LOC400499: variants seen among roughly 807,000 people sequenced by gnomAD.
chr16:11,502,130 C>T, the LOC400499 span: 1 of 399,014 alleles, frequency 2.5e-6, no homozygotes, highest in African/African-American at 2.1e-5. Flanking sequence ...TCAGCTCACC[C>T]CCAGAAAGGC....
the LOC400499 span, among the ~76,000 whole-genome samples, chr16:11,387,875 C>T: frequency 6.6e-6 from 1 of 152,096 alleles, no homozygotes; most frequent in Non-Finnish European, 1.5e-5. Flanking sequence ...CTGCCCACCT[C>T]GGCCTCCCAA....
At chr16:11,382,235 G>C in the LOC400499 span, among the ~76,000 whole-genome samples, 41 of 152,174 alleles carry the variant, frequency 2.7e-4, no homozygotes, top group African/African-American at 9.9e-4. Flanking sequence ...ACCACACCCG[G>C]CATTTCTTTT....
chr16:11,487,026 T>C, the LOC400499 span, among the ~76,000 whole-genome samples: 1 of 151,646 alleles, frequency 6.6e-6, no homozygotes, highest in African/African-American at 2.4e-5. Flanking sequence ...GATGGACAGA[T>C]GAGCAGGTCA....
chr16:11,446,925 G>A, the LOC400499 span: 4 of 1,528,218 alleles, frequency 2.6e-6, no homozygotes, highest in African/African-American at 4.1e-5. Flanking sequence ...TGTGCAGAGG[G>A]AAAAACAGGC....
the LOC400499 span, chr16:11,412,873 G>A: frequency 7.5e-6 from 3 of 398,984 alleles, no homozygotes; most frequent in South Asian, 2.5e-4. Flanking sequence ...GGACGTCAAG[G>A]ACCAAGGTGG....
the LOC400499 span, among the ~76,000 whole-genome samples, chr16:11,482,272 G>A: frequency 3.3e-5 from 5 of 152,306 alleles, no homozygotes; most frequent in African/African-American, 1.2e-4. Context: ...TGGAGGCTGA[G>A]CCAGGGGACT....
chr16:11,464,081 T>C, the LOC400499 span, among the ~76,000 whole-genome samples: 1 of 152,234 alleles, frequency 6.6e-6, no homozygotes, highest in African/African-American at 2.4e-5. Flanking sequence ...TATGTGTGTA[T>C]ATACGAATGT....
the LOC400499 span, among the ~76,000 whole-genome samples, chr16:11,415,795 A>G: frequency 2.0e-5 from 3 of 152,192 alleles, no homozygotes; most frequent in Admixed American, 2.0e-4. Context: ...AGCGGCGTGG[A>G]GGTGGTCATC....
At chr16:11,421,483 C>T in the LOC400499 span, among the ~76,000 whole-genome samples, 194 of 152,148 alleles carry the variant, frequency 1.3e-3, no homozygotes, top group African/African-American at 4.4e-3. Flanking sequence ...CTCACTGCAA[C>T]CTCCGCCTCC....
the LOC400499 span, among the ~76,000 whole-genome samples, chr16:11,502,734 C>A: frequency 6.6e-6 from 1 of 151,676 alleles, no homozygotes; most frequent in East Asian, 1.9e-4. Flanking sequence ...CCCGCCTCAG[C>A]CTCCTGAGTA....
At chr16:11,385,096 C>G in the LOC400499 span, 3 of 1,232,212 alleles carry the variant, frequency 2.4e-6, no homozygotes, top group East Asian at 3.2e-5. Flanking sequence ...GGCAGGAGGT[C>G]TGACCCACAG....
chr16:11,383,593 A>C, the LOC400499 span: 1 of 1,231,952 alleles, frequency 8.1e-7, no homozygotes, highest in East Asian at 3.2e-5. Flanking sequence ...TCTGGCCTGG[A>C]AGGCAGATGC....
chr16:11,474,354 T>C, the LOC400499 span, among the ~76,000 whole-genome samples: 1 of 152,242 alleles, frequency 6.6e-6, no homozygotes, highest in Non-Finnish European at 1.5e-5. Flanking sequence ...TTTTGACTCT[T>C]TTTAGCCACT....
At chr16:11,425,507 G>T in the LOC400499 span, 4 of 398,622 alleles carry the variant, frequency 1.0e-5, no homozygotes, top group East Asian at 3.6e-5. Context: ...GGAGGGAAAA[G>T]AATTTGGGGG....
chr16:11,450,364 A>G, the LOC400499 span, among the ~76,000 whole-genome samples: 1,642 of 152,246 alleles, frequency 0.011, 34 homozygotes, highest in African/African-American at 0.038. Context: ...TTCCTATTTT[A>G]TATTTCTCTC....
the LOC400499 span, chr16:11,469,630 A>T: frequency 5.0e-6 from 2 of 399,080 alleles, no homozygotes; most frequent in African/African-American, 4.1e-5. Context: ...GCCCATGAAG[A>T]CGTGGGCTGT....
the LOC400499 span, chr16:11,399,796 C>G: frequency 2.5e-6 from 1 of 398,878 alleles, no homozygotes; most frequent in Non-Finnish European, 4.4e-6. Context: ...AGGTTGTCCT[C>G]TGTTCCAGGT....
chr16:11,444,160 G>A, the LOC400499 span, among the ~76,000 whole-genome samples: 1 of 152,140 alleles, frequency 6.6e-6, no homozygotes, highest in Non-Finnish European at 1.5e-5. Flanking sequence ...CACTTTGGAA[G>A]GTGAGGCAAG....
chr16:11,441,600 G>T, the LOC400499 span, among the ~76,000 whole-genome samples: 1 of 147,262 alleles, frequency 6.8e-6, no homozygotes, highest in Non-Finnish European at 1.5e-5. Flanking sequence ...AGACTTTGCA[G>T]TGTGATTGGA....
Sources: gnomAD v4.1 joint callset for allele counts (sites outside exome capture counted in the v4.1 genomes callset) on GRCh38, gnomAD v4.1.1 for gene constraint, MANE v1.5 for transcripts.